COL14A1: variants seen among roughly 807,000 people sequenced by gnomAD.
The protein encoded by COL14A1 is collagen type XIV alpha 1 chain.
COL14A1 carries 136 observed loss-of-function variants against 230.3 expected under a neutral mutation model. The observed-to-expected ratio is 0.59, with a 90% CI of 0.51 to 0.68. COL14A1 has a LOEUF of 0.68. Among genes scored for constraint, COL14A1 ranks in the 30% least tolerant of loss-of-function variants. The pLI is 0.00. For missense variants in COL14A1, 1,976 were observed against 2,215.8 expected, an observed-to-expected ratio of 0.89 and a Z score of 2.17; for synonymous variants, 792 against 784.1, an observed-to-expected ratio of 1.01 and a Z score of -0.17.
chr8:120,347,159 G>A (rs143870043), intron 45 of COL14A1, among the ~76,000 whole-genome samples: 18 of 152,194 alleles, frequency 1.2e-4, no homozygotes, highest in East Asian at 7.7e-4. Flanking sequence ...TCTTAGCCCC[G>A]TTCTTGCCAG....
rs1331380892 is a variant in COL14A1, at chr8:120,307,085, T to A, written c.4402-2924T>A. On this transcript the variant is annotated intron_variant, in intron 36 of 47. Coordinates refer to ENST00000297848, the MANE Select transcript of COL14A1 (RefSeq NM_021110.4). ...CAAATGAGGCTGCTAGACGACTTCA[T>A]CAAGGACTTGTGCTTGCTCTAGCTT... Among the ~76,000 whole-genome samples the A allele has an allele frequency of 3.3e-5, 5 of 152,346 alleles. No individual in the cohort carries two copies. The East Asian group carries it at 5.8e-4, about 18-fold the overall frequency.
chr8:120,203,013 T>TATATATATATATATAC (rs1554606350), intron 8 of COL14A1, among the ~76,000 whole-genome samples: 1 of 126,494 alleles, frequency 7.9e-6, no homozygotes, highest in African/African-American at 2.9e-5. Flanking sequence ...TATATATATA[T>TATATATATATATATAC]ATATATATTT....
Position 120,199,519 on chromosome 8 carries a change from C to T in COL14A1, c.830C>T (p.Pro277Leu), listed in dbSNP as rs1395586117. ...GGAAAATCCCAAGATGACATTATTCCACCATCTAGAAATCTTCGTGAGTCT... is the reference window on the plus strand; with the variant it reads ...GGAAAATCCCAAGATGACATTATTCTACCATCTAGAAATCTTCGTGAGTCT... Reference protein sequence around the residue: ...TDGKSQDDIIPPSRNLRESGV... With the variant: ...TDGKSQDDIILPSRNLRESGV... The change falls in exon 8 of 48, where the codon CCA becomes CTA. Residue 277 changes from proline (P) to leucine (L), a missense_variant. Pro to Leu is a moderately conservative substitution (Grantham distance 98). Coordinates refer to ENST00000297848, the MANE Select transcript of COL14A1 (RefSeq NM_021110.4). 2.5e-6 allele frequency: 4 copies of T among 1,613,020 alleles called. No homozygotes were observed. The highest frequency in any genetic ancestry group is 3.4e-6 in the Non-Finnish European group (4 of 1,179,524).
At chr8:120,126,131 C>T (rs1398680180) in intron 1 of COL14A1, among the ~76,000 whole-genome samples, 2 of 152,346 alleles carry the variant, frequency 1.3e-5, no homozygotes, top group Admixed American at 6.5e-5. Context: ...TGACACCCCC[C>T]GCACCCCGCG....
At chr8:120,168,320 G>A (rs113807965) in intron 5 of COL14A1, 73 bp downstream of exon 5, 7 of 1,086,452 alleles carry the variant, frequency 6.4e-6, no homozygotes, top group South Asian at 1.4e-5. Context: ...CTCACATGTG[G>A]GGTTGCTGGT....
chr8:120,297,585 C>T lies in COL14A1; in HGVS notation c.4311C>T (p.Gly1437=). The T allele has an allele frequency of 2.2e-6, 3 of 1,385,094 alleles. No homozygotes were observed. Among genetic ancestry groups the T allele is most frequent in the African/African-American group, 3.0e-5 (2 of 67,374 alleles). The allele number at this position is 1,385,094 out of a possible 1,614,324, so 85.8% of individuals were successfully genotyped here. The change falls in exon 35 of 48, where the codon GGC becomes GGT. Residue 1437 remains glycine (G), a synonymous_variant. Coordinates refer to ENST00000297848, the MANE Select transcript of COL14A1 (RefSeq NM_021110.4). ...CAGACAAATGCTGTGAACTTCCAGG[C>T]CTGGTAAGAATTCTTCCTTCATTTC... ...ANTDKCCELP[G]LRDDESCPDL... is the part of the protein sequence containing the mutation.
chr8:120,358,191 T>A (rs1277665016), intron 45 of COL14A1, among the ~76,000 whole-genome samples: 1 of 152,232 alleles, frequency 6.6e-6, no homozygotes, highest in African/African-American at 2.4e-5. Flanking sequence ...TTTGAACAGA[T>A]ATTTGATAAA....
chr8:120,367,315 AG>A, intron 46 of COL14A1, 67 bp downstream of exon 46: 1 of 1,301,808 alleles, frequency 7.7e-7, no homozygotes, highest in Non-Finnish European at 1.1e-6. Flanking sequence ...ATTGCAAGTG[AG>A]GAAAATGGTC....
rs553522328 is a variant in COL14A1 at position 120,162,875 on chromosome 8, C to T, written c.349+306C>T. Among the ~76,000 whole-genome samples the T allele has an allele frequency of 2.6e-5, 4 of 152,310 alleles. No homozygotes were observed. In the East Asian group the frequency reaches 7.7e-4, roughly 29 times the overall value. On this transcript the variant is annotated intron_variant, in intron 4 of 47. Transcript: ENST00000297848. ...TGTGATTTCTTAGCATCTAGAGCTT[C>T]CCTTCTGGTACTATAACACCATATT...
At chr8:120,232,336 G>A (rs10094424) in intron 19 of COL14A1, among the ~76,000 whole-genome samples, 14,060 of 151,806 alleles carry the variant, frequency 0.093, 1,268 homozygotes, top group East Asian at 0.4. Context: ...TTTTACATAG[G>A]TATACATGGA....
intron 44 of COL14A1, among the ~76,000 whole-genome samples, chr8:120,342,930 A>G (rs1444557327): frequency 6.6e-6 from 1 of 152,128 alleles, no homozygotes; most frequent in Non-Finnish European, 1.5e-5. Context: ...AGGTCTTCTC[A>G]TTTATTTCTT....
chr8:120,371,402 T>C lies in COL14A1; in HGVS notation c.*171T>C, dbSNP rs1812153507. 1 of 388,196 alleles carries C rather than the reference T, an allele frequency of 2.6e-6. No individual in the cohort carries two copies. Among genetic ancestry groups the C allele is most frequent in the Non-Finnish European group, 4.5e-6 (1 of 222,396 alleles). The allele number at this position is 388,196 out of a possible 1,614,324, so 24.0% of individuals were successfully genotyped here. ...TTATTATTATTATTAACAAAAAATA[T>C]ATATTTTTAAAAAGTTCCCTTAATC... On this transcript the variant is annotated 3_prime_UTR_variant, in exon 48 of 48. Transcript: ENST00000297848.
intron 8 of COL14A1, among the ~76,000 whole-genome samples, chr8:120,199,867 AAGTC>A (rs1192080306): frequency 3.3e-5 from 5 of 152,088 alleles, no homozygotes; most frequent in African/African-American, 1.2e-4. Flanking sequence ...ACTGTTTAGT[AAGTC>A]AAGACTTTCT....
At chr8:120,243,326 G>GT (rs1199220988) in intron 19 of COL14A1, among the ~76,000 whole-genome samples, 1 of 152,090 alleles carries the variant, frequency 6.6e-6, no homozygotes, top group Non-Finnish European at 1.5e-5. Context: ...AAGCTGCACC[G>GT]TTTTTTAGTG....
intron 25 of COL14A1, 29 bp from the exon 26 acceptor site, chr8:120,270,006 C>G: frequency 6.2e-7 from 1 of 1,609,212 alleles, no homozygotes; most frequent in East Asian, 2.2e-5. Flanking sequence ...CCCCTTATCT[C>G]TGACTCAAAA....
intron 9 of COL14A1, among the ~76,000 whole-genome samples, chr8:120,206,647 C>A (rs1289706431): frequency 1.3e-5 from 2 of 152,216 alleles, no homozygotes; most frequent in Non-Finnish European, 2.9e-5. Context: ...CTGTGCCTGG[C>A]TGTTAATGTT....
At chr8:120,257,807 C>A (rs2129731509) in intron 23 of COL14A1, among the ~76,000 whole-genome samples, 1 of 152,320 alleles carries the variant, frequency 6.6e-6, no homozygotes, top group Non-Finnish European at 1.5e-5. Flanking sequence ...TGACCTCTTT[C>A]TGAATGCCTC....
rs759128275 is a variant in COL14A1, at chr8:120,332,749, G to A, written c.4785+14G>A. 42 of 1,603,590 alleles carry A rather than the reference G, an allele frequency of 2.6e-5. No individual in the cohort carries two copies. The highest frequency in any genetic ancestry group is 2.3e-4 in the South Asian group (21 of 90,188). ...CTGGGACCACCTGTGAGTATGCAGC[G>A]GTAGCTGCTCAGAATGTAGGCCCAG... On this transcript the variant is annotated intron_variant, in intron 42 of 47. Coordinates refer to ENST00000297848, the MANE Select transcript of COL14A1 (RefSeq NM_021110.4).
chr8:120,212,332 G>C, intron 12 of COL14A1, 116 bp from the exon 13 acceptor site: 2 of 920,934 alleles, frequency 2.2e-6, no homozygotes, highest in Admixed American at 5.0e-5. Context: ...TTGATGAAGG[G>C]GTTGTAACAG....
Sources: gnomAD v4.1 joint callset for allele counts (sites outside exome capture counted in the v4.1 genomes callset) on GRCh38, gnomAD v4.1.1 for gene constraint, MANE v1.5 for transcripts, NCBI Gene and HGNC (gene_info 2026-07-23, HGNC 2026-07-21) for gene names.